The following MGAT4C variants were observed in gnomAD, a reference collection of about 807,000 sequenced individuals.
The protein encoded by MGAT4C is alpha-1,3-mannosyl-glycoprotein 4-beta-N-acetylglucosaminyltransferase C.
In MGAT4C, 19 loss-of-function variants were observed where a neutral mutation model predicts 40.1. The ratio of observed to expected loss-of-function variants is 0.47; its 90% CI spans 0.33 to 0.70. The LOEUF (loss-of-function observed/expected upper bound fraction) is 0.70, where lower values mean the gene tolerates loss of function less well. Among genes scored for constraint, MGAT4C ranks in the 30% least tolerant of loss-of-function variants. MGAT4C has a pLI of 0.02. For missense variants in MGAT4C, 491 were observed against 563.2 expected (o/e 0.87, Z 1.30); for synonymous variants, 181 against 187.1 (o/e 0.97, Z 0.27).
intron 1 of MGAT4C, among the ~76,000 whole-genome samples, chr12:86,088,619 T>C (rs555578072): frequency 1.3e-5 from 2 of 152,084 alleles, no homozygotes; most frequent in South Asian, 4.1e-4. Flanking sequence ...CCAACAAGCA[T>C]ATGGGAAAAT....
At chr12:86,711,066 G>T (rs947046640) in intron 2 of MGAT4C, among the ~76,000 whole-genome samples, 1 of 152,046 alleles carries the variant, frequency 6.6e-6, no homozygotes, top group African/African-American at 2.4e-5. Context: ...AGGGATAAAA[G>T]ACTACATATA....
chr12:86,519,189 T>G (rs1958748579), intron 2 of MGAT4C, among the ~76,000 whole-genome samples: 1 of 152,210 alleles, frequency 6.6e-6, no homozygotes, highest in African/African-American at 2.4e-5. Flanking sequence ...TATTTTCACT[T>G]AACATAATTA....
intron 2 of MGAT4C, among the ~76,000 whole-genome samples, chr12:86,604,570 A>G (rs753325886): frequency 6.6e-6 from 1 of 152,172 alleles, no homozygotes; most frequent in Non-Finnish European, 1.5e-5. Context: ...AAATGTACGT[A>G]TCTAACATGA....
intron 2 of MGAT4C, among the ~76,000 whole-genome samples, chr12:86,650,504 C>G (rs79763026): frequency 3.1e-3 from 475 of 151,936 alleles, no homozygotes; most frequent in African/African-American, 0.011. Context: ...CATTTAAATA[C>G]CAAGTGCTGC....
chr12:86,037,722 T>A (rs1891384618), intron 2 of MGAT4C, among the ~76,000 whole-genome samples: 1 of 149,950 alleles, frequency 6.7e-6, no homozygotes, highest in Non-Finnish European at 1.5e-5. Flanking sequence ...ATTTGGTCAA[T>A]TTTAGAATAT....
chr12:86,447,972 A>G (rs1280441773), intron 2 of MGAT4C, among the ~76,000 whole-genome samples: 1 of 152,112 alleles, frequency 6.6e-6, no homozygotes, highest in Non-Finnish European at 1.5e-5. Context: ...TATATGTTTG[A>G]GACCTTTTGC....
intron 1 of MGAT4C, among the ~76,000 whole-genome samples, chr12:86,178,669 G>A (rs1273694972): frequency 2.0e-5 from 3 of 152,158 alleles, no homozygotes; most frequent in Admixed American, 6.5e-5. Flanking sequence ...CTTGCCTTTA[G>A]ATTTGGGTGC....
chr12:86,713,319 C>A (rs1408700238), intron 2 of MGAT4C, among the ~76,000 whole-genome samples: 2 of 151,918 alleles, frequency 1.3e-5, no homozygotes, highest in Non-Finnish European at 2.9e-5. Context: ...TCTTTTTTCT[C>A]CCAAATGACA....
chr12:86,390,791 G>A (rs1956148118), intron 3 of MGAT4C, among the ~76,000 whole-genome samples: 1 of 151,976 alleles, frequency 6.6e-6, no homozygotes, highest in South Asian at 2.1e-4. Flanking sequence ...TAGTTACCAG[G>A]AACAATAATT....
At chr12:86,382,088 CA>C (rs1955943706) in intron 3 of MGAT4C, among the ~76,000 whole-genome samples, 1 of 152,144 alleles carries the variant, frequency 6.6e-6, no homozygotes, top group African/African-American at 2.4e-5. Flanking sequence ...GAGGTTGGAA[CA>C]GTTTGGAGGG....
chr12:86,255,071 G>C (rs1318441375), intron 1 of MGAT4C, among the ~76,000 whole-genome samples: 2 of 151,902 alleles, frequency 1.3e-5, no homozygotes, highest in African/African-American at 2.4e-5. Context: ...TATGTTAAAG[G>C]CACAGTAAAA....
intron 2 of MGAT4C, among the ~76,000 whole-genome samples, chr12:86,047,346 T>G (rs1291674277): frequency 6.6e-6 from 1 of 152,126 alleles, no homozygotes; most frequent in Non-Finnish European, 1.5e-5. Flanking sequence ...GTAAAGTTAC[T>G]GATGAAAAAC....
At chr12:86,060,043 G>T (rs1231108915) in intron 1 of MGAT4C, among the ~76,000 whole-genome samples, 3 of 152,040 alleles carry the variant, frequency 2.0e-5, no homozygotes, top group Non-Finnish European at 4.4e-5. Context: ...CGCAAACATG[G>T]CTATCTACTA....
intron 2 of MGAT4C, among the ~76,000 whole-genome samples, chr12:86,504,929 G>A (rs577209489): frequency 3.2e-4 from 48 of 152,222 alleles, no homozygotes; most frequent in Non-Finnish European, 6.2e-4. Context: ...TTACAGGCAT[G>A]AGACACCGGC....
intron 3 of MGAT4C, among the ~76,000 whole-genome samples, chr12:86,423,679 C>G (rs1404450465): frequency 2.0e-5 from 3 of 151,804 alleles, no homozygotes; most frequent in Non-Finnish European, 4.4e-5. Context: ...AAATGAAAAC[C>G]AGAAAAGTCC....
chr12:86,326,799 T>C (rs1426853732), intron 4 of MGAT4C, among the ~76,000 whole-genome samples: 1 of 152,126 alleles, frequency 6.6e-6, no homozygotes, highest in East Asian at 1.9e-4. Flanking sequence ...AAGCAGTTAA[T>C]AAATAATTAA....
chr12:86,181,083 T>C (rs1005030023), intron 1 of MGAT4C, among the ~76,000 whole-genome samples: 4 of 152,112 alleles, frequency 2.6e-5, no homozygotes, highest in Non-Finnish European at 4.4e-5. Flanking sequence ...CTCATGACAG[T>C]AAATAAGTCT....
intron 1 of MGAT4C, among the ~76,000 whole-genome samples, chr12:86,742,076 A>T (rs891017365): frequency 6.6e-6 from 1 of 151,300 alleles, no homozygotes; most frequent in Non-Finnish European, 1.5e-5. Context: ...TTATATATTT[A>T]TTCTTATTTC....
At chr12:86,094,682 T>G (rs1294120599) in intron 1 of MGAT4C, among the ~76,000 whole-genome samples, 2 of 152,168 alleles carry the variant, frequency 1.3e-5, no homozygotes, top group African/African-American at 4.8e-5. Flanking sequence ...TTTGTAAGTA[T>G]CTGTCTTCTT....
Sources: gnomAD v4.1 joint callset for allele counts (sites outside exome capture counted in the v4.1 genomes callset) on GRCh38, gnomAD v4.1.1 for gene constraint, MANE v1.5 for transcripts, NCBI Gene and HGNC (gene_info 2026-07-23, HGNC 2026-07-21) for gene names.